Variants in SCHIP1 observed in about 807,000 individuals in gnomAD.
The protein encoded by SCHIP1 is schwannomin interacting protein 1.
Under a neutral mutation model 29.7 loss-of-function variants are expected in SCHIP1, and 8 were observed. That is an observed-to-expected ratio of 0.27 (90% CI 0.16 to 0.49). SCHIP1 has a LOEUF of 0.49. SCHIP1 is among the 20% of genes least tolerant of loss of function. The pLI is 0.99. For missense variants in SCHIP1, 193 were observed against 294.6 expected (o/e 0.66, Z 2.52); for synonymous variants, 76 against 94.9 (o/e 0.80, Z 1.16).
At chr3:159,669,771 G>T in the SCHIP1 span, among the ~76,000 whole-genome samples, 1 of 152,226 alleles carries the variant, frequency 6.6e-6, no homozygotes, top group African/African-American at 2.4e-5. Flanking sequence ...GTTATGCTTT[G>T]GTTGGTGATT....
chr3:159,805,808 CTTTTT>C, the SCHIP1 span, among the ~76,000 whole-genome samples: 1 of 139,180 alleles, frequency 7.2e-6, no homozygotes, highest in Non-Finnish European at 1.6e-5. Flanking sequence ...AATTGTACTC[CTTTTT>C]TTTTTTTTTT....
the SCHIP1 span, among the ~76,000 whole-genome samples, chr3:159,379,791 AAAG>A: frequency 7.3e-6 from 1 of 137,838 alleles, no homozygotes; most frequent in African/African-American, 2.9e-5. Flanking sequence ...TGGGTGGGAA[AAAG>A]AAGGTCAGTG....
the SCHIP1 span, among the ~76,000 whole-genome samples, chr3:159,566,373 T>C: frequency 6.6e-5 from 10 of 152,336 alleles, no homozygotes; most frequent in African/African-American, 2.4e-4. Flanking sequence ...GTGGACCAGG[T>C]ATTGTTCTAG....
chr3:159,412,760 C>T, the SCHIP1 span, among the ~76,000 whole-genome samples: 1 of 152,132 alleles, frequency 6.6e-6, no homozygotes. Flanking sequence ...CCCAGTGCCC[C>T]TGGCCCTGCA....
chr3:159,420,792 G>A, the SCHIP1 span, among the ~76,000 whole-genome samples: 4 of 152,180 alleles, frequency 2.6e-5, no homozygotes, highest in South Asian at 2.1e-4. Flanking sequence ...GATTTATTTG[G>A]TTACTGAGAA....
chr3:159,876,975 T>C (rs896969971), intron 2 of SCHIP1, among the ~76,000 whole-genome samples: 3 of 152,180 alleles, frequency 2.0e-5, no homozygotes, highest in Non-Finnish European at 2.9e-5. Context: ...TCCTTGGGGA[T>C]TATTACCTGG....
At chr3:159,761,778 C>T in the SCHIP1 span, among the ~76,000 whole-genome samples, 4 of 152,156 alleles carry the variant, frequency 2.6e-5, no homozygotes, top group Non-Finnish European at 4.4e-5. Context: ...GCATTTTTGG[C>T]ACTAGACTTA....
intron 5 of SCHIP1, 98 bp downstream of exon 6, chr3:159,889,041 G>A: frequency 7.0e-7 from 1 of 1,424,786 alleles, no homozygotes; most frequent in South Asian, 1.5e-5. Flanking sequence ...ACATTTCATT[G>A]GGTTCCTGTG....
the SCHIP1 span, among the ~76,000 whole-genome samples, chr3:159,598,389 G>T: frequency 6.6e-6 from 1 of 152,228 alleles, no homozygotes; most frequent in East Asian, 1.9e-4. Flanking sequence ...AGATACAATG[G>T]GTGTGCAGGC....
chr3:159,577,960 A>G, the SCHIP1 span, among the ~76,000 whole-genome samples: 2 of 152,212 alleles, frequency 1.3e-5, no homozygotes, highest in Admixed American at 1.3e-4. Flanking sequence ...CAAAAGTTTT[A>G]TCCAATATCT....
the SCHIP1 span, among the ~76,000 whole-genome samples, chr3:159,553,869 C>T: frequency 6.6e-6 from 1 of 152,254 alleles, no homozygotes; most frequent in Admixed American, 6.5e-5. Flanking sequence ...GGTGCAATCT[C>T]AGCTCACTGC....
At chr3:159,763,540 T>C in the SCHIP1 span, among the ~76,000 whole-genome samples, 1 of 152,144 alleles carries the variant, frequency 6.6e-6, no homozygotes, top group African/African-American at 2.4e-5. Context: ...TTTGGGCCTA[T>C]CTTGGCCCCT....
At chr3:159,536,837 G>A in the SCHIP1 span, among the ~76,000 whole-genome samples, 256 of 152,218 alleles carry the variant, frequency 1.7e-3, 1 homozygote, top group African/African-American at 5.8e-3. Context: ...CAAAAACAAA[G>A]GTGATAAATG....
chr3:159,424,445 G>A, the SCHIP1 span, among the ~76,000 whole-genome samples: 147 of 152,136 alleles, frequency 9.7e-4, no homozygotes, highest in South Asian at 0.024. Flanking sequence ...TATCAGTGAC[G>A]GAAGATGAAA....
At chr3:159,803,786 G>A in the SCHIP1 span, among the ~76,000 whole-genome samples, 3 of 152,170 alleles carry the variant, frequency 2.0e-5, no homozygotes, top group Non-Finnish European at 1.5e-5. Flanking sequence ...GCGTTCCTTC[G>A]TCCAGGGGAA....
chr3:159,714,466 G>A, the SCHIP1 span, among the ~76,000 whole-genome samples: 8 of 152,208 alleles, frequency 5.3e-5, no homozygotes, highest in East Asian at 3.9e-4. Context: ...GAAGTGCAGC[G>A]CAAGAAGTCG....
chr3:159,880,540 C>T (rs979018537), intron 2 of SCHIP1, among the ~76,000 whole-genome samples: 1 of 152,068 alleles, frequency 6.6e-6, no homozygotes, highest in African/African-American at 2.4e-5. Context: ...ATGTAGGGGT[C>T]GTGAACCATA....
the SCHIP1 span, among the ~76,000 whole-genome samples, chr3:159,441,212 C>T: frequency 6.6e-6 from 1 of 152,118 alleles, no homozygotes; most frequent in Non-Finnish European, 1.5e-5. Flanking sequence ...GTAATATGCG[C>T]TTTTCATTAC....
chr3:159,685,218 T>C, the SCHIP1 span, among the ~76,000 whole-genome samples: 1 of 152,192 alleles, frequency 6.6e-6, no homozygotes, highest in African/African-American at 2.4e-5. Flanking sequence ...AGATTGTAAA[T>C]TCCACAATAG....
Sources: gnomAD v4.1 joint callset for allele counts (sites outside exome capture counted in the v4.1 genomes callset) on GRCh38, gnomAD v4.1.1 for gene constraint, MANE v1.5 for transcripts, NCBI Gene and HGNC (gene_info 2026-07-23, HGNC 2026-07-21) for gene names.